Variants in NKAIN2 observed in about 807,000 individuals in gnomAD.
NKAIN2 encodes the protein sodium/potassium-transporting ATPase subunit beta-1-interacting protein 2.
In NKAIN2, 14 loss-of-function variants were observed where a neutral mutation model predicts 32.6. That is an observed-to-expected ratio of 0.43 (90% CI 0.28 to 0.67). The LOEUF is 0.67. NKAIN2 is among the 30% of genes least tolerant of loss of function. NKAIN2 has a pLI of 0.17. For synonymous variants in NKAIN2, 80 were observed against 87.2 expected (o/e 0.92, Z 0.46); for missense variants, 198 against 258.3 (o/e 0.77, Z 1.60).
intron 1 of NKAIN2, among the ~76,000 whole-genome samples, chr6:124,043,945 G>T (rs1420959157): frequency 6.6e-6 from 1 of 151,996 alleles, no homozygotes; most frequent in Non-Finnish European, 1.5e-5. Flanking sequence ...TATTGCAAAA[G>T]GTAGGAACTA....
chr6:124,108,384 G>A (rs985902977), intron 1 of NKAIN2, among the ~76,000 whole-genome samples: 2 of 151,936 alleles, frequency 1.3e-5, no homozygotes, highest in African/African-American at 4.8e-5. Context: ...CAAGAGGTGT[G>A]GCTATTTATT....
In NKAIN2 at chr6:124,658,287, C is replaced by A; in HGVS notation, c.375C>A (p.Asp125Glu). 1 of 1,614,114 alleles carries A rather than the reference C, an allele frequency of 6.2e-7. No individual in the cohort carries two copies. The highest frequency in any genetic ancestry group is 8.5e-7 in the Non-Finnish European group (1 of 1,179,992). Reference sequence around the variant, plus strand: ...TGACGTCAGTGACACCTGCCCCAGACTGGGCCCCAGAAGACCATCGCTACA... The same window carrying A: ...TGACGTCAGTGACACCTGCCCCAGAATGGGCCCCAGAAGACCATCGCTACA... ...CTVTSVTPAP[D>E]WAPEDHRYIT... The change falls in exon 4 of 7, where the codon GAC becomes GAA. Residue 125 changes from aspartate to glutamate, a missense_variant. By Grantham distance (45) the Asp-to-Glu change is conservative. Transcript: ENST00000368417.
chr6:124,329,244 C>T (rs1345564183), intron 2 of NKAIN2, among the ~76,000 whole-genome samples: 2 of 152,188 alleles, frequency 1.3e-5, no homozygotes, highest in Non-Finnish European at 2.9e-5. Context: ...GATGCACTGC[C>T]ATCAAAACTT....
chr6:124,682,607 A>G (rs781039845), intron 4 of NKAIN2, among the ~76,000 whole-genome samples: 61 of 152,196 alleles, frequency 4.0e-4, no homozygotes, highest in Non-Finnish European at 7.5e-4. Context: ...ATCAACTTCA[A>G]TCCGGAAGGA....
intron 3 of NKAIN2, among the ~76,000 whole-genome samples, chr6:124,541,142 T>C (rs2114844518): frequency 6.6e-6 from 1 of 152,106 alleles, no homozygotes. Flanking sequence ...CACACACACC[T>C]CCCTCTGTCA....
At chr6:123,841,119 G>A (rs1005670327) in intron 1 of NKAIN2, among the ~76,000 whole-genome samples, 16 of 152,066 alleles carry the variant, frequency 1.1e-4, no homozygotes, top group African/African-American at 3.9e-4. Context: ...TAAGCAAATT[G>A]CCTAGTCTAG....
At chr6:123,969,552 T>C (rs1249585805) in intron 1 of NKAIN2, among the ~76,000 whole-genome samples, 2 of 152,178 alleles carry the variant, frequency 1.3e-5, no homozygotes, top group African/African-American at 2.4e-5. Context: ...GTAAGACTTT[T>C]TTGTTTTTCT....
chr6:124,022,175 C>A (rs1780898102), intron 1 of NKAIN2, among the ~76,000 whole-genome samples: 1 of 151,758 alleles, frequency 6.6e-6, no homozygotes, highest in Admixed American at 6.6e-5. Context: ...ATAGTTTGCT[C>A]AGAATGATGA....
At chr6:124,559,620 C>T (rs1780610997) in intron 3 of NKAIN2, among the ~76,000 whole-genome samples, 1 of 152,088 alleles carries the variant, frequency 6.6e-6, no homozygotes, top group East Asian at 1.9e-4. Context: ...CTTTGGCTAA[C>T]AGAATGTAAG....
intron 1 of NKAIN2, among the ~76,000 whole-genome samples, chr6:123,847,289 T>C (rs1775133063): frequency 6.6e-6 from 1 of 152,232 alleles, no homozygotes; most frequent in East Asian, 1.9e-4. Flanking sequence ...TTAGATCTTA[T>C]AGCAGTAATG....
intron 3 of NKAIN2, among the ~76,000 whole-genome samples, chr6:124,453,368 C>CACACACACACACACAG (rs1562194615): frequency 6.8e-6 from 1 of 147,220 alleles, no homozygotes; most frequent in African/African-American, 2.5e-5. Flanking sequence ...CACACACACA[C>CACACACACACACACAG]AGTTCTGAGG....
At chr6:123,932,045 C>T (rs553535360) in intron 1 of NKAIN2, among the ~76,000 whole-genome samples, 3 of 152,180 alleles carry the variant, frequency 2.0e-5, no homozygotes, top group Admixed American at 2.0e-4. Context: ...CAGTATTCTA[C>T]TCGTTTCTTA....
intron 3 of NKAIN2, among the ~76,000 whole-genome samples, chr6:124,635,562 T>G (rs1783743171): frequency 6.6e-6 from 1 of 151,928 alleles, no homozygotes; most frequent in South Asian, 2.1e-4. Flanking sequence ...GAAACTAACT[T>G]CAACTGTAAA....
chr6:123,886,538 A>G (rs1773722146), intron 1 of NKAIN2, among the ~76,000 whole-genome samples: 3 of 152,146 alleles, frequency 2.0e-5, no homozygotes, highest in Admixed American at 2.0e-4. Context: ...GGAACTATGA[A>G]TTTCCTACAA....
intron 1 of NKAIN2, among the ~76,000 whole-genome samples, chr6:123,855,776 G>A (rs1171990060): frequency 6.6e-6 from 1 of 152,138 alleles, no homozygotes; most frequent in East Asian, 1.9e-4. Flanking sequence ...GAGTTCACAT[G>A]GATTCACCAT....
At chr6:124,774,434 G>C (rs747838692) in intron 4 of NKAIN2, among the ~76,000 whole-genome samples, 1 of 152,160 alleles carries the variant, frequency 6.6e-6, no homozygotes, top group South Asian at 2.1e-4. Flanking sequence ...ATACAGTTAG[G>C]TGTAGTCAGG....
At chr6:124,628,429 A>C (rs1485059352) in intron 3 of NKAIN2, among the ~76,000 whole-genome samples, 1 of 152,154 alleles carries the variant, frequency 6.6e-6, no homozygotes, top group Non-Finnish European at 1.5e-5. Flanking sequence ...TATGTTGAAG[A>C]AATATAATCT....
chr6:124,175,203 A>G (rs1789095037), intron 1 of NKAIN2, among the ~76,000 whole-genome samples: 1 of 152,188 alleles, frequency 6.6e-6, no homozygotes, highest in African/African-American at 2.4e-5. Flanking sequence ...CTCATTGCAT[A>G]GACAGCGTGA....
chr6:124,008,698 A>G (rs1397771237), intron 1 of NKAIN2, among the ~76,000 whole-genome samples: 1 of 152,212 alleles, frequency 6.6e-6, no homozygotes, highest in African/African-American at 2.4e-5. Context: ...AATGACTAGA[A>G]TATGGGTCAA....
Sources: gnomAD v4.1 joint callset for allele counts (sites outside exome capture counted in the v4.1 genomes callset) on GRCh38, gnomAD v4.1.1 for gene constraint, MANE v1.5 for transcripts, NCBI Gene and HGNC (gene_info 2026-07-23, HGNC 2026-07-21) for gene names.